Variants in GNAI1 observed in about 807,000 individuals in gnomAD.
GNAI1 encodes the protein guanine nucleotide-binding protein G(i) subunit alpha-1.
In GNAI1, 11 loss-of-function variants were observed where a neutral mutation model predicts 38.9. That is an observed-to-expected ratio of 0.28 (90% CI 0.18 to 0.47). The LOEUF (loss-of-function observed/expected upper bound fraction) is 0.47. Among genes scored for constraint, GNAI1 ranks in the 20% least tolerant of loss-of-function variants. The pLI, the probability that GNAI1 is intolerant of heterozygous loss-of-function variation, is 0.99. For synonymous variants in GNAI1, 166 were observed against 145.1 expected, an observed-to-expected ratio of 1.14 and a Z score of -1.04; for missense variants, 317 against 436.9, an observed-to-expected ratio of 0.73 and a Z score of 2.45.
chr7:80,150,207 C>T (rs1174201124), intron 1 of GNAI1, among the ~76,000 whole-genome samples: 1 of 152,010 alleles, frequency 6.6e-6, no homozygotes, highest in Non-Finnish European at 1.5e-5. Context: ...AAGTGGTGTA[C>T]ATGTACCAGG....
chr7:80,147,294 G>C (rs572396928), intron 1 of GNAI1, among the ~76,000 whole-genome samples: 33 of 151,926 alleles, frequency 2.2e-4, no homozygotes, highest in African/African-American at 6.8e-4. Context: ...ATAGGGTTTG[G>C]AGATGGGGCT....
Position 80,190,141 on chromosome 7 carries a change from G to C in GNAI1, c.303+910G>C, listed in dbSNP as rs1438522073. Among the ~76,000 whole-genome samples, 4 of 151,898 alleles carry C rather than the reference G, an allele frequency of 2.6e-5. No homozygotes were observed. The East Asian group carries it at 7.7e-4, about 29-fold the overall frequency. On this transcript the variant is annotated intron_variant, in intron 3 of 7. Coordinates refer to ENST00000649796, the MANE Select transcript of GNAI1 (RefSeq NM_002069.6). ...AATTTTTCTTTTTGTCTTAGTGTCAGCTAGATTTTATTTTTTAAACATGTA... is the reference window on the plus strand; with the variant it reads ...AATTTTTCTTTTTGTCTTAGTGTCACCTAGATTTTATTTTTTAAACATGTA...
chr7:80,187,675 T>C (rs1357398539), intron 1 of GNAI1, among the ~76,000 whole-genome samples: 2 of 152,082 alleles, frequency 1.3e-5, no homozygotes, highest in Non-Finnish European at 1.5e-5. Flanking sequence ...AATGAAAATA[T>C]AGTGAAAATC....
chr7:80,185,931 A>G (rs1049541762), intron 1 of GNAI1, among the ~76,000 whole-genome samples: 1 of 152,182 alleles, frequency 6.6e-6, no homozygotes, highest in African/African-American at 2.4e-5. Flanking sequence ...CGTTTTTGCA[A>G]AATTTCTGCC....
chr7:80,154,286 A>G (rs1266051695), intron 1 of GNAI1, among the ~76,000 whole-genome samples: 1 of 152,084 alleles, frequency 6.6e-6, no homozygotes, highest in Non-Finnish European at 1.5e-5. Flanking sequence ...TTATGGTTAT[A>G]ATGTCTTGTG....
At chr7:80,184,386 C>A (rs899998561) in intron 1 of GNAI1, among the ~76,000 whole-genome samples, 3 of 152,100 alleles carry the variant, frequency 2.0e-5, no homozygotes, top group Non-Finnish European at 4.4e-5. Flanking sequence ...CTGATTCTTC[C>A]CTTGGGGTGG....
chr7:80,212,265 T>A (rs1409285155), intron 6 of GNAI1, among the ~76,000 whole-genome samples: 1 of 152,182 alleles, frequency 6.6e-6, no homozygotes, highest in Admixed American at 6.5e-5. Flanking sequence ...GAAGTGTCCT[T>A]CCAGTATTTA....
At chr7:80,172,596 A>G (rs1220811967) in intron 1 of GNAI1, among the ~76,000 whole-genome samples, 6 of 152,136 alleles carry the variant, frequency 3.9e-5, no homozygotes, top group Non-Finnish European at 8.8e-5. Context: ...CATAACCAAA[A>G]TGTACTCATT....
chr7:80,189,302 T>G, intron 3 of GNAI1, 71 bp downstream of exon 3: 1 of 1,294,356 alleles, frequency 7.7e-7, no homozygotes, highest in Non-Finnish European at 1.1e-6. Context: ...TACCATACTG[T>G]GTAACATAGG....
intron 3 of GNAI1, among the ~76,000 whole-genome samples, chr7:80,195,671 C>G (rs990651829): frequency 5.3e-5 from 8 of 151,906 alleles, no homozygotes; most frequent in Non-Finnish European, 1.2e-4. Flanking sequence ...CAATAACACT[C>G]CATTACCATA....
rs373893715 is a variant in GNAI1, at chr7:80,136,177, AG to A, written c.118+902del. ...CGGGGAAGAAAATAAAGAGTAAACCAGGGTTTTCACTGAGGGAAGCATTAGG... is the reference window on the plus strand; with the variant it reads ...CGGGGAAGAAAATAAAGAGTAAACCAGGTTTTCACTGAGGGAAGCATTAGG... On this transcript the variant is annotated intron_variant, in intron 1 of 7. Coordinates refer to ENST00000649796, the MANE Select transcript of GNAI1 (RefSeq NM_002069.6). 53 of 385,946 alleles carry A rather than the reference AG, an allele frequency of 1.4e-4. 1 individual carries two copies. In the East Asian group the frequency reaches 6.8e-3, roughly 50 times the overall value. The allele number at this position is 385,946 out of a possible 1,614,324, so 23.9% of individuals were successfully genotyped here.
At chr7:80,137,307 C>CTTTTTTTTTTTTTTTT (rs1787435379) in intron 1 of GNAI1, among the ~76,000 whole-genome samples, 1 of 61,204 alleles carries the variant, frequency 1.6e-5, no homozygotes, top group Non-Finnish European at 3.5e-5. Flanking sequence ...TTTTTTTTTT[C>CTTTTTTTTTTTTTTTT]TTTTCTTTTC....
chr7:80,172,577 T>C (rs943583908), intron 1 of GNAI1, among the ~76,000 whole-genome samples: 6 of 152,190 alleles, frequency 3.9e-5, no homozygotes, highest in Non-Finnish European at 5.9e-5. Context: ...TTCAGAGTTG[T>C]CTTTTTCACA....
intron 1 of GNAI1, among the ~76,000 whole-genome samples, chr7:80,140,717 C>T (rs1280276811): frequency 6.6e-6 from 1 of 152,082 alleles, no homozygotes; most frequent in African/African-American, 2.4e-5. Context: ...AAAGCCGTAA[C>T]GGAAATAGGG....
intron 3 of GNAI1, among the ~76,000 whole-genome samples, chr7:80,196,344 C>A (rs150983973): frequency 1.3e-5 from 2 of 152,098 alleles, no homozygotes; most frequent in African/African-American, 4.8e-5. Context: ...TTCCTGTAAA[C>A]TGCTTTATTA....
At chr7:80,146,968 A>G (rs1787633698) in intron 1 of GNAI1, among the ~76,000 whole-genome samples, 1 of 152,186 alleles carries the variant, frequency 6.6e-6, no homozygotes, top group Non-Finnish European at 1.5e-5. Context: ...AACTTGTTTT[A>G]GTAGTGCATT....
chr7:80,199,169 A>C (rs1788635365), intron 3 of GNAI1, 56 bp from the exon 4 acceptor site: 3 of 1,253,850 alleles, frequency 2.4e-6, no homozygotes, highest in Non-Finnish European at 3.3e-6. Flanking sequence ...TCTCCTTTGT[A>C]CTTTTTATCT....
intron 1 of GNAI1, among the ~76,000 whole-genome samples, chr7:80,188,187 A>C (rs933073494): frequency 6.6e-6 from 1 of 152,212 alleles, no homozygotes; most frequent in African/African-American, 2.4e-5. Context: ...ATTCCATGAG[A>C]CATAGCTGTT....
rs922637816 is a variant in GNAI1 at position 80,222,918 on chromosome 7, G to T, written c.*5425G>T. On this transcript the variant is annotated 3_prime_UTR_variant, in exon 8 of 8. Transcript: ENST00000649796. ...TAATACACCTAACCTACCAAATGTA[G>T]CTTAGCCTGGCCTAACTTAAAGGTG... Among the ~76,000 whole-genome samples the T allele has an allele frequency of 5.9e-5, 9 of 152,082 alleles. No individual in the cohort carries two copies. Among genetic ancestry groups the T allele is most frequent in the Admixed American group, 5.9e-4 (9 of 15,274 alleles).
Sources: gnomAD v4.1 joint callset for allele counts (sites outside exome capture counted in the v4.1 genomes callset) on GRCh38, gnomAD v4.1.1 for gene constraint, MANE v1.5 for transcripts, NCBI Gene and HGNC (gene_info 2026-07-23, HGNC 2026-07-21) for gene names.